Variants in TMPRSS11D observed in about 807,000 individuals in gnomAD.
The protein encoded by TMPRSS11D is transmembrane protease serine 11D.
TMPRSS11D carries 32 observed loss-of-function variants against 44.4 expected under a neutral mutation model. The ratio of observed to expected loss-of-function variants is 0.72; its 90% CI spans 0.54 to 0.97. The LOEUF is 0.97. Among genes scored for constraint, TMPRSS11D ranks in the 50% least tolerant of loss-of-function variants. The probability of loss-of-function intolerance (pLI) is 0.00; values close to 1 mark genes in which losing one functional copy is unlikely to be tolerated. For missense variants in TMPRSS11D, 446 were observed against 502.6 expected (o/e 0.89, Z 1.08); for synonymous variants, 179 against 177.9 (o/e 1.01, Z -0.05).
chr4:67,854,631 T>C (rs75674538), intron 2 of TMPRSS11D, among the ~76,000 whole-genome samples: 9 of 152,166 alleles, frequency 5.9e-5, no homozygotes, highest in Non-Finnish European at 1.0e-4. Context: ...TCACCATTAG[T>C]TTTTCTGGAG....
intron 3 of TMPRSS11D, among the ~76,000 whole-genome samples, chr4:67,845,573 A>G (rs1718338820): frequency 6.6e-6 from 1 of 152,172 alleles, no homozygotes; most frequent in Non-Finnish European, 1.5e-5. Flanking sequence ...TCAATCTTTT[A>G]GCCTTTTCCC....
chr4:67,841,216 T>C (rs1024629752), intron 4 of TMPRSS11D, among the ~76,000 whole-genome samples: 6 of 152,004 alleles, frequency 3.9e-5, no homozygotes, highest in African/African-American at 1.4e-4. Flanking sequence ...ACTCAGCATA[T>C]GGGTGGCAGT....
At chr4:67,882,554 A>G (rs1009486611) in intron 1 of TMPRSS11D, among the ~76,000 whole-genome samples, 1 of 152,138 alleles carries the variant, frequency 6.6e-6, no homozygotes, top group African/African-American at 2.4e-5. Context: ...TATCATTTAC[A>G]TGTCTTCTTT....
chr4:67,841,765 C>T (rs1718236813), intron 4 of TMPRSS11D, among the ~76,000 whole-genome samples: 1 of 152,106 alleles, frequency 6.6e-6, no homozygotes, highest in African/African-American at 2.4e-5. Flanking sequence ...TCTTCTTATC[C>T]CTTTAACTCC....
At chr4:67,843,246 T>G (rs1004412845) in intron 3 of TMPRSS11D, among the ~76,000 whole-genome samples, 1 of 151,900 alleles carries the variant, frequency 6.6e-6, no homozygotes, top group African/African-American at 2.4e-5. Flanking sequence ...CTAACTGTTG[T>G]GCTTAAGAAT....
chr4:67,841,563 C>T (rs1718231339), intron 4 of TMPRSS11D, among the ~76,000 whole-genome samples: 1 of 152,054 alleles, frequency 6.6e-6, no homozygotes, highest in South Asian at 2.1e-4. Context: ...AGCCAGGTTG[C>T]AGAGGATTGA....
At chr4:67,832,599 T>C (rs1432528837) in intron 7 of TMPRSS11D, among the ~76,000 whole-genome samples, 1 of 151,492 alleles carries the variant, frequency 6.6e-6, no homozygotes, top group Non-Finnish European at 1.5e-5. Context: ...TTTTTGTGCA[T>C]TCTGATTCCA....
rs1402810749 is a variant in TMPRSS11D at position 67,825,878 on chromosome 4, T to G, written c.953-4A>C. ...CTTAGCTCTGGAACTGTGTGGCCTG[T>G]TTGTTATAAAAGCAGGAAAAAAATG... On this transcript the variant is annotated splice_region_variant and splice_polypyrimidine_tract_variant and intron_variant, in intron 8 of 9. Transcript: ENST00000283916. 6.2e-7 allele frequency: 1 copy of G among 1,604,332 alleles called. No homozygotes were observed. The highest frequency in any genetic ancestry group is 1.7e-5 in the Admixed American group (1 of 59,432).
chr4:67,862,231 T>C (rs1047870463), intron 1 of TMPRSS11D, among the ~76,000 whole-genome samples: 17 of 152,300 alleles, frequency 1.1e-4, no homozygotes, highest in African/African-American at 4.1e-4. Flanking sequence ...TCAATCTTCA[T>C]GATCTTTTCA....
At chr4:67,846,819 C>A (rs1245774362) in intron 3 of TMPRSS11D, among the ~76,000 whole-genome samples, 1 of 152,052 alleles carries the variant, frequency 6.6e-6, no homozygotes, top group Non-Finnish European at 1.5e-5. Context: ...TAAAACAAAA[C>A]AAAAGGAAAC....
intron 1 of TMPRSS11D, among the ~76,000 whole-genome samples, chr4:67,879,450 C>T (rs1337758714): frequency 3.8e-5 from 5 of 131,526 alleles, no homozygotes; most frequent in East Asian, 4.4e-4. Context: ...CCAGCCTGGG[C>T]GACAGAGCGA....
rs1476377022 is a variant in TMPRSS11D at position 67,822,094 on chromosome 4, AG to A, written c.*242del. ...TAATGAAATTGTTAACTTTGTAATT[AG>A]TTTAGTGTGTTTCTTCTGTTACACA... is the stretch of plus-strand genomic sequence containing the variant. On this transcript the variant is annotated 3_prime_UTR_variant, in exon 10 of 10. Transcript: ENST00000283916. The A allele has an allele frequency of 2.5e-6, 1 of 407,008 alleles. No homozygotes were observed. The highest frequency in any genetic ancestry group is 4.4e-6 in the Non-Finnish European group (1 of 226,778). The allele number at this position is 407,008 out of a possible 1,614,324, so 25.2% of individuals were successfully genotyped here.
At chr4:67,839,990 C>T (rs2109670659) in intron 4 of TMPRSS11D, among the ~76,000 whole-genome samples, 1 of 140,786 alleles carries the variant, frequency 7.1e-6, no homozygotes, top group East Asian at 2.2e-4. Flanking sequence ...CCTCCCCCGA[C>T]AACAAATTAA....
chr4:67,835,199 C>T, intron 5 of TMPRSS11D, 78 bp from the exon 6 acceptor site: 1 of 1,321,506 alleles, frequency 7.6e-7, no homozygotes, highest in Admixed American at 1.9e-5. Context: ...AAGTACAGTA[C>T]CCAGACAACA....
At chr4:67,857,803 G>A (rs1044460052) in intron 2 of TMPRSS11D, among the ~76,000 whole-genome samples, 8 of 152,118 alleles carry the variant, frequency 5.3e-5, no homozygotes, top group African/African-American at 1.9e-4. Context: ...TTTAATAGCA[G>A]AGCAGAGTGA....
intron 4 of TMPRSS11D, among the ~76,000 whole-genome samples, chr4:67,839,995 A>G (rs1282831091): frequency 1.7e-5 from 2 of 115,964 alleles, no homozygotes; most frequent in East Asian, 5.6e-4. Flanking sequence ...CCCGACAACA[A>G]ATTAACAACA....
At chr4:67,837,267 GC>G (rs1447242298) in intron 5 of TMPRSS11D, among the ~76,000 whole-genome samples, 9 of 152,152 alleles carry the variant, frequency 5.9e-5, no homozygotes, top group Non-Finnish European at 1.3e-4. Context: ...CAGTGCGTGA[GC>G]ATTGGCCAGT....
intron 3 of TMPRSS11D, among the ~76,000 whole-genome samples, chr4:67,845,466 A>G (rs1211631339): frequency 6.6e-6 from 1 of 152,204 alleles, no homozygotes; most frequent in African/African-American, 2.4e-5. Context: ...CATCTGTAAA[A>G]GGAAAGTAGT....
At chr4:67,851,133 C>T (rs180846295) in intron 3 of TMPRSS11D, among the ~76,000 whole-genome samples, 51 of 152,306 alleles carry the variant, frequency 3.3e-4, no homozygotes, top group African/African-American at 1.2e-3. Context: ...CTGACATTGA[C>T]TCACCTCCCT....
Sources: allele counts gnomAD v4.1 joint callset (sites outside exome capture counted in the v4.1 genomes callset), GRCh38; gene constraint gnomAD v4.1.1; transcripts MANE v1.5; gene names NCBI Gene and HGNC (gene_info 2026-07-23, HGNC 2026-07-21).